The following CFAP77 variants were observed in gnomAD, a reference collection of about 807,000 sequenced individuals.
CFAP77 encodes the protein cilia and flagella associated protein 77, also known as cilia- and flagella-associated protein 77.
CFAP77 carries 25 observed loss-of-function variants against 31.1 expected under a neutral mutation model. The observed-to-expected ratio is 0.80, with a 90% confidence interval of 0.59 to 1.12. The LOEUF (loss-of-function observed/expected upper bound fraction) is 1.12. Among genes scored for constraint, CFAP77 ranks in the 50% most tolerant of loss-of-function variants. The pLI, the probability that CFAP77 is intolerant of heterozygous loss-of-function variation, is 0.00. For missense variants in CFAP77, 377 were observed against 397.3 expected (o/e 0.95, Z 0.44); for synonymous variants, 151 against 159.9 (o/e 0.94, Z 0.42).
intron 1 of CFAP77, among the ~76,000 whole-genome samples, chr9:132,436,995 T>A (rs1467250351): frequency 6.6e-6 from 1 of 152,128 alleles, no homozygotes; most frequent in East Asian, 1.9e-4. Context: ...GTTATGAGGA[T>A]CATTTTTAAA....
At chr9:132,571,642 T>C (rs1160795188) in intron 5 of CFAP77, among the ~76,000 whole-genome samples, 3 of 152,204 alleles carry the variant, frequency 2.0e-5, no homozygotes, top group Non-Finnish European at 4.4e-5. Context: ...CCAAACCCTT[T>C]CCACCCTGTG....
chr9:132,412,629 TG>T (rs925732066), intron 1 of CFAP77, among the ~76,000 whole-genome samples: 1 of 151,434 alleles, frequency 6.6e-6, no homozygotes, highest in African/African-American at 2.4e-5. Flanking sequence ...TTTTTTTTTT[TG>T]TTTGTTTGTT....
At chr9:132,536,937 G>A (rs763801850) in intron 3 of CFAP77, among the ~76,000 whole-genome samples, 42 of 152,138 alleles carry the variant, frequency 2.8e-4, no homozygotes, top group African/African-American at 6.8e-4. Context: ...CATACAAAAT[G>A]CCTAGGGTAA....
chr9:132,517,359 T>C lies in CFAP77; in HGVS notation c.524+17759T>C, dbSNP rs1170630499. ...ATAGCTGTCTCCACTGGAAGAAGCA[T>C]CAAGAGCCAAATAAGGACCCGTCTT... On this transcript the variant is annotated intron_variant, in intron 3 of 5. Coordinates refer to ENST00000393216, the MANE Select transcript of CFAP77 (RefSeq NM_001282957.2). This position sits in a 1 kb window ranked among gnomAD's most constrained non-coding sequence, Gnocchi z 4.7. 6.6e-6 allele frequency among the ~76,000 whole-genome samples: 1 copy of C among 152,180 alleles called. No homozygotes were observed. The highest frequency in any genetic ancestry group is 6.5e-5 in the Admixed American group (1 of 15,282).
In CFAP77 at chr9:132,410,325, G is replaced by A. The variant is rs1849962197; in HGVS notation, c.54G>A (p.Gln18=). The stretch of plus-strand genomic sequence containing the variant: ...ACCTCACGCGATGGAGGAAGCAGCA[G>A]CAGCCTGTGCGCCGCACGGTCAGCC... The part of the protein sequence containing the change: ...GPDLTRWRKQ[Q]QPVRRTVSQV... Residue 18 remains glutamine (Q), a synonymous_variant, in exon 1 of 6, where the codon CAG becomes CAA. Transcript: ENST00000393216. 6.3e-7 allele frequency: 1 copy of A among 1,597,508 alleles called. No homozygotes were observed. The highest frequency in any genetic ancestry group is 1.4e-5 in the African/African-American group (1 of 73,212).
intron 3 of CFAP77, among the ~76,000 whole-genome samples, chr9:132,502,265 AT>A (rs571665067): frequency 0.017 from 1,464 of 83,818 alleles, 24 homozygotes; most frequent in African/African-American, 0.048. Context: ...ATATATATAT[AT>A]TTTTTTTTTT....
intron 5 of CFAP77, among the ~76,000 whole-genome samples, chr9:132,543,598 C>A (rs1178917752): frequency 6.6e-6 from 1 of 152,244 alleles, no homozygotes; most frequent in African/African-American, 2.4e-5. Flanking sequence ...TGATGCATGA[C>A]ATCCTGCGCT....
At chr9:132,560,429 T>G (rs1247069986) in intron 5 of CFAP77, among the ~76,000 whole-genome samples, 1 of 152,226 alleles carries the variant, frequency 6.6e-6, no homozygotes, top group African/African-American at 2.4e-5. Context: ...ACCTTGGGAC[T>G]GGTGTTACCC....
rs1564242825 is a variant in CFAP77, at chr9:132,531,631, G to GGGT, written c.525-5968_525-5967insTGG. 1.4e-5 allele frequency among the ~76,000 whole-genome samples: 2 copies of GGGT among 143,602 alleles called. 1 individual carries two copies. The highest frequency in any genetic ancestry group is 5.0e-5 in the African/African-American group (2 of 40,068). The allele number at this position is 143,602 out of a possible 152,430, so 94.2% of individuals were successfully genotyped here. On this transcript the variant is annotated intron_variant, in intron 3 of 5. Coordinates refer to ENST00000393216, the MANE Select transcript of CFAP77 (RefSeq NM_001282957.2). ...CTGGGCTTAGGCTAAGACATGGGGG[G>GGGT]GGGGGCATGGAAGGCATTTTAAGCA...
intron 1 of CFAP77, among the ~76,000 whole-genome samples, chr9:132,417,359 C>T (rs1850123243): frequency 6.6e-6 from 1 of 152,126 alleles, no homozygotes; most frequent in Admixed American, 6.5e-5. Context: ...GTGATCCGCC[C>T]ACCTCGGCCT....
intron 5 of CFAP77, among the ~76,000 whole-genome samples, chr9:132,558,370 CAAG>C (rs1852936517): frequency 6.6e-6 from 1 of 152,186 alleles, no homozygotes; most frequent in Non-Finnish European, 1.5e-5. Flanking sequence ...ATATGTCTGA[CAAG>C]AGACTTGTGT....
At chr9:132,535,060 G>T (rs930991941) in intron 3 of CFAP77, among the ~76,000 whole-genome samples, 1 of 152,198 alleles carries the variant, frequency 6.6e-6, no homozygotes, top group Non-Finnish European at 1.5e-5. Context: ...CACTAGGGGT[G>T]CTCACTGCTA....
intron 3 of CFAP77, among the ~76,000 whole-genome samples, chr9:132,505,569 G>C (rs1851918271): frequency 6.6e-6 from 1 of 151,908 alleles, no homozygotes; most frequent in Non-Finnish European, 1.5e-5. Context: ...CCACAGAGGA[G>C]TTTGGCTGGT....
At chr9:132,571,626 G>A (rs1419041417) in intron 5 of CFAP77, among the ~76,000 whole-genome samples, 5 of 152,200 alleles carry the variant, frequency 3.3e-5, no homozygotes, top group Admixed American at 1.3e-4. Context: ...GAATGAGCAC[G>A]TGAGCCCAAA....
chr9:132,561,604 TACACACAC>T (rs61039438), intron 5 of CFAP77, among the ~76,000 whole-genome samples: 5,187 of 111,440 alleles, frequency 0.047, 188 homozygotes, highest in Admixed American at 0.13. Flanking sequence ...GAGGTGCATG[TACACACAC>T]ACACACACAC....
At position 132,511,654 on chromosome 9, in the gene CFAP77, G is replaced by A. The variant is rs1450617456; in HGVS notation, c.524+12054G>A. Among the ~76,000 whole-genome samples, 2 of 152,218 alleles carry A rather than the reference G, an allele frequency of 1.3e-5. No individual in the cohort carries two copies. Among genetic ancestry groups the A allele is most frequent in the Non-Finnish European group, 2.9e-5 (2 of 68,036 alleles). On this transcript the variant is annotated intron_variant, in intron 3 of 5. Coordinates refer to ENST00000393216, the MANE Select transcript of CFAP77 (RefSeq NM_001282957.2). The surrounding 1 kb of genome is among the most constrained non-coding windows in gnomAD (Gnocchi z 5.8). ...AGACGGCCAACTCTTTCCCGGGCAC[G>A]ACTCTTGCAGGGCACTGAGCTTCAG...
intron 4 of CFAP77, among the ~76,000 whole-genome samples, chr9:132,542,603 G>T (rs909722225): frequency 6.6e-6 from 1 of 152,216 alleles, no homozygotes; most frequent in African/African-American, 2.4e-5. Flanking sequence ...GGGACCCACT[G>T]GGGCTGCGTG....
At chr9:132,464,531 G>A (rs1851118039) in intron 1 of CFAP77, among the ~76,000 whole-genome samples, 1 of 152,016 alleles carries the variant, frequency 6.6e-6, no homozygotes, top group Non-Finnish European at 1.5e-5. Flanking sequence ...AAAGAAACAA[G>A]GGAAATTAAT....
At chr9:132,488,671 G>C (rs561394801) in intron 1 of CFAP77, among the ~76,000 whole-genome samples, 1 of 152,308 alleles carries the variant, frequency 6.6e-6, no homozygotes, top group Non-Finnish European at 1.5e-5. Flanking sequence ...ACCTGCACCT[G>C]CCTCTAGCTA....
Sources: gnomAD v4.1 joint callset for allele counts (sites outside exome capture counted in the v4.1 genomes callset) on GRCh38, gnomAD v4.1.1 for gene constraint, Gnocchi (gnomAD v3.1) non-coding constraint, MANE v1.5 for transcripts, NCBI Gene and HGNC (gene_info 2026-07-23, HGNC 2026-07-21) for gene names.